The following ABCA12 variants were observed in gnomAD, a reference collection of about 807,000 sequenced individuals.
ABCA12 encodes ATP binding cassette subfamily A member 12.
In ABCA12, 156 loss-of-function variants were observed where a neutral mutation model predicts 293.5. The ratio of observed to expected loss-of-function variants is 0.53; its 90% CI spans 0.47 to 0.61. The LOEUF (loss-of-function observed/expected upper bound fraction) is 0.61, where lower values mean the gene tolerates loss of function less well. Among genes scored for constraint, ABCA12 ranks in the 20% least tolerant of loss-of-function variants. The pLI, the probability that ABCA12 is intolerant of heterozygous loss-of-function variation, is 0.00. For missense variants in ABCA12, 2,797 were observed against 3,090.2 expected (o/e 0.91, Z 2.25); for synonymous variants, 1,063 against 1,108.0 (o/e 0.96, Z 0.81).
chr2:215,035,054 T>G (rs1473328405), intron 8 of ABCA12, among the ~76,000 whole-genome samples: 1 of 152,188 alleles, frequency 6.6e-6, no homozygotes, highest in Non-Finnish European at 1.5e-5. Context: ...TATCTGTACT[T>G]GGACCAGAGA....
At chr2:214,952,922 C>T (rs1293810775) in intron 44 of ABCA12, among the ~76,000 whole-genome samples, 3 of 152,014 alleles carry the variant, frequency 2.0e-5, no homozygotes, top group Non-Finnish European at 2.9e-5. Flanking sequence ...GTTTACTTAA[C>T]ATTGTATTTT....
At chr2:214,992,545 GA>G (rs754702027) in intron 23 of ABCA12, among the ~76,000 whole-genome samples, 10 of 41,138 alleles carry the variant, frequency 2.4e-4, no homozygotes, top group South Asian at 8.7e-4. Context: ...TTTTTTTTAG[GA>G]AAAAAAAAAG....
At chr2:215,099,117 G>C (rs1482992307) in intron 2 of ABCA12, among the ~76,000 whole-genome samples, 4 of 152,218 alleles carry the variant, frequency 2.6e-5, no homozygotes, top group Non-Finnish European at 5.9e-5. Flanking sequence ...TTTAAGGGCA[G>C]GACAGAAAAA....
intron 2 of ABCA12, among the ~76,000 whole-genome samples, chr2:215,099,272 G>A (rs576790594): frequency 3.9e-5 from 6 of 152,336 alleles, no homozygotes; most frequent in African/African-American, 1.2e-4. Context: ...AGCCATGTGA[G>A]CTATCCACCT....
chr2:215,005,134 A>G (rs573332813), intron 19 of ABCA12, among the ~76,000 whole-genome samples: 5 of 152,216 alleles, frequency 3.3e-5, no homozygotes, highest in Non-Finnish European at 5.9e-5. Context: ...GTTTACAACA[A>G]CACTTTGAGG....
At chr2:215,001,513 T>A in intron 21 of ABCA12, 45 bp downstream of exon 21, 1 of 1,612,540 alleles carries the variant, frequency 6.2e-7, no homozygotes, top group Non-Finnish European at 8.5e-7. Flanking sequence ...ATTTGGCCAA[T>A]TTTAGCACAA....
intron 48 of ABCA12, 46 bp from the exon 49 acceptor site, chr2:214,945,150 T>C: frequency 6.7e-7 from 1 of 1,485,192 alleles, no homozygotes. Context: ...AATTAATTTT[T>C]GATGAAGTTC....
At chr2:214,954,161 C>CA in intron 43 of ABCA12, 54 bp from the exon 44 acceptor site, 2 of 1,591,788 alleles carry the variant, frequency 1.3e-6, no homozygotes, top group Non-Finnish European at 8.6e-7. Context: ...AAAAAGCTGA[C>CA]AAAAATTTAA....
chr2:215,063,642 C>T (rs1290903735), intron 3 of ABCA12, among the ~76,000 whole-genome samples: 1 of 151,852 alleles, frequency 6.6e-6, no homozygotes, highest in Admixed American at 6.6e-5. Flanking sequence ...TTTGCACTTC[C>T]TGGTTTTTAT....
chr2:215,061,231 AT>A (rs1222726532), intron 3 of ABCA12, among the ~76,000 whole-genome samples: 1 of 151,792 alleles, frequency 6.6e-6, no homozygotes, highest in African/African-American at 2.4e-5. Context: ...ACAGTGTTGG[AT>A]TTTTTTTTAA....
chr2:215,130,298 A>G (rs1428698537), intron 1 of ABCA12, among the ~76,000 whole-genome samples: 2 of 151,950 alleles, frequency 1.3e-5, no homozygotes, highest in Non-Finnish European at 2.9e-5. Context: ...CATTAAGTCT[A>G]TAGATTGCTT....
intron 50 of ABCA12, among the ~76,000 whole-genome samples, chr2:214,940,310 A>C (rs1164133876): frequency 6.6e-6 from 1 of 152,218 alleles, no homozygotes; most frequent in Non-Finnish European, 1.5e-5. Context: ...CCCAGAGATG[A>C]AGCCGACTTG....
At chr2:215,131,699 A>ATCGTT (rs1170990427) in intron 1 of ABCA12, among the ~76,000 whole-genome samples, 8 of 38,624 alleles carry the variant, frequency 2.1e-4, no homozygotes, top group African/African-American at 7.9e-4. Context: ...GATCCTTTCT[A>ATCGTT]TTGTTTTTTT....
intron 30 of ABCA12, 73 bp from the exon 31 acceptor site, chr2:214,980,716 A>T: frequency 6.3e-7 from 1 of 1,583,230 alleles, no homozygotes; most frequent in Non-Finnish European, 8.7e-7. Flanking sequence ...AGAGTTGGCC[A>T]GAGTAAATCC....
Position 214,953,885 on chromosome 2 carries a change from A to G in ABCA12, c.6616T>C (p.Leu2206=). Residue 2206 remains leucine (L), a synonymous_variant, in exon 44 of 53, where the codon TTA becomes CTA. Coordinates refer to ENST00000272895, the MANE Select transcript of ABCA12 (RefSeq NM_173076.3). ...TTCTTTATCAGGGATTCGTTGATTA[A>G]GAGTCGCAAGGAAAAAAACATGGTG... ...QGTMFFSLRL[L]INESLIKKLR... 3 of 1,613,984 alleles carry G rather than the reference A, an allele frequency of 1.9e-6. No homozygotes were observed. Among genetic ancestry groups the G allele is most frequent in the East Asian group, 4.5e-5 (2 of 44,834 alleles).
intron 1 of ABCA12, among the ~76,000 whole-genome samples, chr2:215,127,642 G>A (rs190813200): frequency 4.3e-4 from 65 of 152,280 alleles, no homozygotes; most frequent in Non-Finnish European, 5.4e-4. Context: ...CCATTTGCAT[G>A]AAATGCCTTT....
At chr2:215,100,581 T>G (rs1433035370) in intron 2 of ABCA12, among the ~76,000 whole-genome samples, 1 of 152,150 alleles carries the variant, frequency 6.6e-6, no homozygotes, top group Non-Finnish European at 1.5e-5. Flanking sequence ...GGCCAAGATC[T>G]ATATTTAACA....
At chr2:214,973,198 T>C (rs1363495660) in intron 36 of ABCA12, among the ~76,000 whole-genome samples, 2 of 152,206 alleles carry the variant, frequency 1.3e-5, no homozygotes, top group African/African-American at 4.8e-5. Flanking sequence ...TAGTATCTAT[T>C]TTGCATGAGA....
rs55641331 is a variant in ABCA12, at chr2:215,133,149, A to ATTTTT, written c.69+4986_69+4990dup. 3.9e-3 allele frequency among the ~76,000 whole-genome samples: 136 copies of ATTTTT among 34,890 alleles called. 9 individuals are homozygous for ATTTTT. Among genetic ancestry groups the ATTTTT allele is most frequent in the East Asian group, 0.015 (9 of 612 alleles). 22.9% of individuals were successfully genotyped at this position (34,890 alleles called of 152,430 possible). Reference sequence around the variant, plus strand: ...TGACTCTTTTCTCTAGCTGGCTTTAATTTTTTTTTTTTTTTTTTTTTTTTT... The same window carrying ATTTTT: ...TGACTCTTTTCTCTAGCTGGCTTTAATTTTTTTTTTTTTTTTTTTTTTTTTTTTTT... On this transcript the variant is annotated intron_variant, in intron 1 of 52. Transcript: ENST00000272895.
Sources: allele counts gnomAD v4.1 joint callset (sites outside exome capture counted in the v4.1 genomes callset), GRCh38; gene constraint gnomAD v4.1.1; transcripts MANE v1.5; gene names NCBI Gene and HGNC (gene_info 2026-07-23, HGNC 2026-07-21).